The following RBM6 variants were observed in gnomAD, a reference collection of about 807,000 sequenced individuals.
RBM6 encodes RNA-binding protein 6.
A neutral mutation model predicts 140.4 loss-of-function variants in RBM6; 23 were observed. That is an observed-to-expected ratio of 0.16 (90% CI 0.12 to 0.23). The LOEUF is 0.23. Among genes scored for constraint, RBM6 ranks in the 10% least tolerant of loss-of-function variants. The pLI is 1.00. For missense variants in RBM6, 1,139 were observed against 1,386.7 expected, an observed-to-expected ratio of 0.82 and a Z score of 2.84; for synonymous variants, 439 against 475.6, an observed-to-expected ratio of 0.92 and a Z score of 1.00.
chr3:50,041,570 G>A lies in RBM6; in HGVS notation c.1558-6675G>A, dbSNP rs772016855. ...TAAAAAGTAATCTTTTATACTAAGA[G>A]AAATGACACATCTGTTTTAAACCTG... On this transcript the variant is annotated intron_variant, in intron 6 of 20. Transcript: ENST00000266022. Among the ~76,000 whole-genome samples the A allele has an allele frequency of 1.3e-4, 20 of 152,316 alleles. No individual in the cohort carries two copies. The Middle Eastern group carries it at 0.017, about 130-fold the overall frequency.
At chr3:50,055,070 C>T (rs2089647060) in intron 8 of RBM6, among the ~76,000 whole-genome samples, 1 of 152,230 alleles carries the variant, frequency 6.6e-6, no homozygotes. Flanking sequence ...GATCTGTCTG[C>T]CTCAGCCTCC....
At chr3:49,992,251 C>T (rs1041422260) in intron 5 of RBM6, among the ~76,000 whole-genome samples, 2 of 152,104 alleles carry the variant, frequency 1.3e-5, no homozygotes, top group African/African-American at 4.8e-5. Flanking sequence ...TGAACTTGGT[C>T]CCAGAGCCTT....
intron 6 of RBM6, among the ~76,000 whole-genome samples, chr3:50,001,010 A>G (rs1297065479): frequency 1.3e-5 from 2 of 152,160 alleles, no homozygotes; most frequent in Non-Finnish European, 2.9e-5. Flanking sequence ...CATATCCCCT[A>G]GACTTAAGAG....
chr3:49,986,808 C>T lies in RBM6; in HGVS notation c.1483+11416C>T, dbSNP rs966780781. On this transcript the variant is annotated intron_variant, in intron 5 of 20. Transcript: ENST00000266022. ...TCTTCTCTTCTCTTTTCTTTTCTTT[C>T]AGAGTTTTGCTCTGTTGCCCAGGAT... Among the ~76,000 whole-genome samples the T allele has an allele frequency of 3.1e-5, 4 of 128,420 alleles. No individual in the cohort carries two copies. The East Asian group carries it at 1.1e-3, about 35-fold the overall frequency. The allele number at this position is 128,420 out of a possible 152,430, so 84.2% of individuals were successfully genotyped here. A position where few individuals can be genotyped will look rare whatever the true frequency, so the allele number is the denominator to read the frequency against.
intron 6 of RBM6, among the ~76,000 whole-genome samples, chr3:50,015,046 CAAAAAAAAA>C (rs71080566): frequency 1.9e-5 from 1 of 52,852 alleles, no homozygotes; most frequent in South Asian, 9.5e-4. Flanking sequence ...GAGACTGTCT[CAAAAAAAAA>C]AAAAAAAAAA....
At chr3:50,061,285 A>G in intron 13 of RBM6, 64 bp downstream of exon 13, 1 of 1,609,506 alleles carries the variant, frequency 6.2e-7, no homozygotes, top group Non-Finnish European at 8.5e-7. Context: ...ATTACTTGAC[A>G]TCTGTGTGAT....
intron 15 of RBM6, among the ~76,000 whole-genome samples, chr3:50,063,068 T>C (rs2108927013): frequency 6.6e-6 from 1 of 152,014 alleles, no homozygotes; most frequent in East Asian, 1.9e-4. Flanking sequence ...TAATTTTTGC[T>C]TTTTTGTAGA....
intron 19 of RBM6, among the ~76,000 whole-genome samples, chr3:50,071,908 A>AC (rs2090311371): frequency 6.6e-6 from 1 of 150,518 alleles, no homozygotes; most frequent in African/African-American, 2.5e-5. Context: ...AGATGGTGAA[A>AC]CCCCTTCTCT....
intron 3 of RBM6, among the ~76,000 whole-genome samples, chr3:49,970,391 G>A (rs1352249181): frequency 6.6e-6 from 1 of 152,036 alleles, no homozygotes; most frequent in African/African-American, 2.4e-5. Context: ...TTTGATGTGT[G>A]TTTATTCATT....
chr3:50,075,048 C>T lies in RBM6; in HGVS notation c.3117-153C>T, dbSNP rs185111171. 6.6e-3 allele frequency: 5,578 copies of T among 842,490 alleles called. 35 individuals are homozygous for T. The highest frequency in any genetic ancestry group is 8.8e-3 in the Middle Eastern group (24 of 2,716). 52.2% of individuals were successfully genotyped at this position (842,490 alleles called of 1,614,324 possible). ...GCGGGCACCTGCAATCCCAGCTAATCGGGAGGCTGAGGCAGGAGAATCGCC... is the reference window on the plus strand; with the variant it reads ...GCGGGCACCTGCAATCCCAGCTAATTGGGAGGCTGAGGCAGGAGAATCGCC... On this transcript the variant is annotated intron_variant, in intron 19 of 20. Coordinates refer to ENST00000266022, the MANE Select transcript of RBM6 (RefSeq NM_005777.3).
At chr3:50,031,595 G>T (rs1270005248) in intron 6 of RBM6, among the ~76,000 whole-genome samples, 3 of 151,828 alleles carry the variant, frequency 2.0e-5, no homozygotes, top group Non-Finnish European at 4.4e-5. Context: ...GTGGGGGAGG[G>T]GGGAGTGATA....
At chr3:50,048,453 A>T in intron 7 of RBM6, 134 bp downstream of exon 7, 1 of 1,463,780 alleles carries the variant, frequency 6.8e-7, no homozygotes, top group Non-Finnish European at 9.0e-7. Context: ...TCAGTTGAAC[A>T]GGAGGAGGTC....
At chr3:50,020,711 C>T (rs2108793703) in intron 6 of RBM6, among the ~76,000 whole-genome samples, 1 of 152,324 alleles carries the variant, frequency 6.6e-6, no homozygotes, top group South Asian at 2.1e-4. Context: ...CTGCTACCCA[C>T]CTAGGCTATA....
At position 50,057,994 on chromosome 3, in the gene RBM6, G is replaced by C. The variant is rs139412381; in HGVS notation, c.1960G>C (p.Glu654Gln). The C allele has an allele frequency of 2.3e-5, 37 of 1,612,942 alleles. No individual in the cohort carries two copies. Among genetic ancestry groups the C allele is most frequent in the Non-Finnish European group, 3.1e-5 (37 of 1,179,762 alleles). ...GTCTGGAGAGACACGCCAGGATGGAGAGAGCAAAAGTAAGTAGTTTGTCAG... is the reference window on the plus strand; with the variant it reads ...GTCTGGAGAGACACGCCAGGATGGACAGAGCAAAAGTAAGTAGTTTGTCAG... ...SWSGETRQDGESKTIMLKRIY... is the reference protein window; with the variant it reads ...SWSGETRQDGQSKTIMLKRIY... Residue 654 changes from glutamate to glutamine, a missense_variant, in exon 9 of 21, where the codon GAG becomes CAG. Transcript: ENST00000266022.
rs373612168 is a variant in RBM6, at chr3:49,994,527, TATC to T, written c.1484-4911_1484-4909del. On this transcript the variant is annotated intron_variant, in intron 5 of 20. Coordinates refer to ENST00000266022, the MANE Select transcript of RBM6 (RefSeq NM_005777.3). ...ATTTTACTTTTCTAAAAACCTGTAT[TATC>T]AATGAAATGGAATTAGGAAAACAGG... Among the ~76,000 whole-genome samples, 500 of 152,340 alleles carry T rather than the reference TATC, an allele frequency of 3.3e-3. 4 individuals carry two copies. The highest frequency in any genetic ancestry group is 0.012 in the African/African-American group (490 of 41,586).
intron 20 of RBM6, 110 bp from the exon 21 acceptor site, chr3:50,076,898 A>T (rs1410879062): frequency 9.0e-7 from 1 of 1,113,512 alleles, no homozygotes; most frequent in Non-Finnish European, 1.2e-6. Flanking sequence ...AAAAAAAAAA[A>T]TTATCCTATA....
chr3:49,955,830 CTCTCTCTCTCTGTG>C (rs1303307666), intron 1 of RBM6, among the ~76,000 whole-genome samples: 1 of 147,738 alleles, frequency 6.8e-6, no homozygotes, highest in East Asian at 1.9e-4. Context: ...AACTCTGTCT[CTCTCTCTCTCTGTG>C]TCTCTCTCTC....
intron 6 of RBM6, among the ~76,000 whole-genome samples, chr3:50,040,531 TAC>T (rs1208833407): frequency 1.3e-4 from 19 of 146,120 alleles, no homozygotes; most frequent in Middle Eastern, 7.2e-3. Flanking sequence ...TGTATATATA[TAC>T]ACACACACAT....
Position 49,946,377 on chromosome 3 carries a change from A to T in RBM6, c.-67+6152A>T, listed in dbSNP as rs1020850557. On this transcript the variant is annotated intron_variant, in intron 1 of 20. Transcript: ENST00000266022. Reference sequence around the variant, plus strand: ...TGCCTCAGCCTCCCGAGTAACTGGGATTACAGGCAGCCGCCACCGTGCCCA... The same window carrying T: ...TGCCTCAGCCTCCCGAGTAACTGGGTTTACAGGCAGCCGCCACCGTGCCCA... Among the ~76,000 whole-genome samples, 31 of 151,482 alleles carry T rather than the reference A, an allele frequency of 2.0e-4. No homozygotes were observed. The South Asian group carries it at 6.3e-3, about 31-fold the overall frequency.
Sources: gnomAD v4.1 joint callset for allele counts (sites outside exome capture counted in the v4.1 genomes callset) on GRCh38, gnomAD v4.1.1 for gene constraint, MANE v1.5 for transcripts, NCBI Gene and HGNC (gene_info 2026-07-23, HGNC 2026-07-21) for gene names.